The following VAV1 variants were observed in gnomAD, a reference collection of about 807,000 sequenced individuals.
The protein encoded by VAV1 is vav guanine nucleotide exchange factor 1, also known as proto-oncogene vav.
In VAV1, 33 loss-of-function variants were observed where a neutral mutation model predicts 128.1. The observed-to-expected ratio is 0.26, with a 90% CI of 0.20 to 0.34. The LOEUF (loss-of-function observed/expected upper bound fraction) is 0.34. Ranked by LOEUF, VAV1 falls within the 10% of genes least tolerant of loss-of-function variation. VAV1 has a pLI of 1.00. For missense variants in VAV1, 715 were observed against 1,093.7 expected (o/e 0.65, Z 4.88); for synonymous variants, 394 against 409.8 (o/e 0.96, Z 0.47).
chr19:6,838,661 TATC>T (rs1972292253), intron 21 of VAV1, among the ~76,000 whole-genome samples: 1 of 152,138 alleles, frequency 6.6e-6, no homozygotes, highest in African/African-American at 2.4e-5. Context: ...CCTGTCTGTT[TATC>T]ATCTATCATC....
chr19:6,831,377 T>C lies in VAV1; in HGVS notation c.1399-714T>C, dbSNP rs142962365. On this transcript the variant is annotated intron_variant, in intron 14 of 26. Coordinates refer to ENST00000602142, the MANE Select transcript of VAV1 (RefSeq NM_005428.4). Reference sequence around the variant, plus strand: ...ACCAGGCTGGAGTGCAGAGGCATGATCTCGGCTCACTGCAACCTCCGCCTC... The same window carrying C: ...ACCAGGCTGGAGTGCAGAGGCATGACCTCGGCTCACTGCAACCTCCGCCTC... Among the ~76,000 whole-genome samples the C allele has an allele frequency of 8.7e-3, 1,323 of 152,250 alleles. 19 individuals carry two copies. The highest frequency in any genetic ancestry group is 0.03 in the African/African-American group (1,255 of 41,556).
rs549697178 is a variant in VAV1, at chr19:6,829,614, T to C, written c.1266-172T>C. 3.3e-5 allele frequency among the ~76,000 whole-genome samples: 5 copies of C among 151,856 alleles called. No homozygotes were observed. In the East Asian group the frequency reaches 9.7e-4, roughly 29 times the overall value. On this transcript the variant is annotated intron_variant, in intron 13 of 26. Coordinates refer to ENST00000602142, the MANE Select transcript of VAV1 (RefSeq NM_005428.4). ...GGGTGGAGCGAAGACTGACAGGCAG[T>C]AGGGCCAATGCGGATCACGTGGGTG...
At chr19:6,853,124 A>T (rs955784277) in intron 25 of VAV1, 45 bp downstream of exon 25, 2 of 1,574,996 alleles carry the variant, frequency 1.3e-6, no homozygotes, top group Non-Finnish European at 1.7e-6. Flanking sequence ...GCCCCTTCCC[A>T]TTGTGGAGGG....
chr19:6,838,431 CCATCCATCTAT>C (rs1178023684), intron 21 of VAV1, among the ~76,000 whole-genome samples: 133 of 144,248 alleles, frequency 9.2e-4, no homozygotes, highest in African/African-American at 3.4e-3. Context: ...ATCCATCCAT[CCATCCATCTAT>C]CATCTATCTA....
intron 1 of VAV1, among the ~76,000 whole-genome samples, chr19:6,774,847 TG>T (rs1024103648): frequency 6.6e-6 from 1 of 151,838 alleles, no homozygotes; most frequent in Non-Finnish European, 1.5e-5. Flanking sequence ...CTCCACTTCC[TG>T]GGTTCAAGTG....
chr19:6,832,142 C>T lies in VAV1; in HGVS notation c.1450C>T (p.Leu484=). The T allele has an allele frequency of 6.2e-7, 1 of 1,614,146 alleles. No individual in the cohort carries two copies. Among genetic ancestry groups the T allele is most frequent in the Non-Finnish European group, 8.5e-7 (1 of 1,180,014 alleles). The stretch of plus-strand genomic sequence containing the variant: ...GGACCAAGGTGCCCAGGGCTATGAG[C>T]TGTTCTTCAAGACAAGAGAATTGAA... ...IEDQGAQGYE[L]FFKTRELKKK... Residue 484 remains leucine (L), a synonymous_variant, in exon 15 of 27, where the codon CTG becomes TTG. Coordinates refer to ENST00000602142, the MANE Select transcript of VAV1 (RefSeq NM_005428.4).
At chr19:6,791,992 G>GA (rs1971029202) in intron 1 of VAV1, among the ~76,000 whole-genome samples, 1 of 151,768 alleles carries the variant, frequency 6.6e-6, no homozygotes, top group Admixed American at 6.6e-5. Context: ...AATGGCTATG[G>GA]GGATGTGTGT....
intron 1 of VAV1, among the ~76,000 whole-genome samples, chr19:6,780,055 G>A (rs1970733200): frequency 6.8e-6 from 1 of 147,756 alleles, no homozygotes; most frequent in African/African-American, 2.5e-5. Context: ...AGCTTGCAGT[G>A]AGCCGAGATC....
chr19:6,775,392 G>A (rs546626489), intron 1 of VAV1, among the ~76,000 whole-genome samples: 47 of 152,290 alleles, frequency 3.1e-4, no homozygotes, highest in Non-Finnish European at 5.6e-4. Context: ...TGAAGGACGA[G>A]GGTGCATGAT....
intron 21 of VAV1, among the ~76,000 whole-genome samples, chr19:6,838,392 TATCCATCCATCCATCC>T (rs60060059): frequency 5.5e-4 from 81 of 146,252 alleles, no homozygotes; most frequent in African/African-American, 1.5e-3. Flanking sequence ...TCAGTTCTTC[TATCCATCCATCCATCC>T]ATCCATCCAT....
chr19:6,784,124 C>T (rs1454061999), intron 1 of VAV1: 2 of 454,694 alleles, frequency 4.4e-6, no homozygotes, highest in Non-Finnish European at 8.0e-6. Context: ...CATGGTGGTG[C>T]ACGCCTATAG....
rs571126828 is a variant in VAV1 at position 6,823,276 on chromosome 19, C to T, written c.654+762C>T. 3.7e-4 allele frequency among the ~76,000 whole-genome samples: 55 copies of T among 150,616 alleles called. No homozygotes were observed. In the East Asian group the frequency reaches 0.01, roughly 28 times the overall value. On this transcript the variant is annotated intron_variant, in intron 6 of 26. Transcript: ENST00000602142. Reference sequence around the variant, plus strand: ...AAGTAGCTGGGATTACAGGCATGCACCACCATGCTCGACTAATTTTTGTAT... The same window carrying T: ...AAGTAGCTGGGATTACAGGCATGCATCACCATGCTCGACTAATTTTTGTAT...
At position 6,777,230 on chromosome 19, in the gene VAV1, TAACTATCCATCC is replaced by T. The variant is rs1432478213; in HGVS notation, c.204+4221_204+4232del. 1.6e-5 allele frequency among the ~76,000 whole-genome samples: 2 copies of T among 126,776 alleles called. No individual in the cohort carries two copies. Among genetic ancestry groups the T allele is most frequent in the South Asian group, 2.6e-4 (1 of 3,792 alleles). The allele number at this position is 126,776 out of a possible 152,430, so 83.2% of individuals were successfully genotyped here. Reference sequence around the variant, plus strand: ...TCATTCATCCATCCATTTATCTGTTTAACTATCCATCCATCCATCCATCCATCCATCCATCCA... The same window carrying T: ...TCATTCATCCATCCATTTATCTGTTTATCCATCCATCCATCCATCCATCCA... On this transcript the variant is annotated intron_variant, in intron 1 of 26. Coordinates refer to ENST00000602142, the MANE Select transcript of VAV1 (RefSeq NM_005428.4). This position sits in a 1 kb window ranked among gnomAD's most constrained non-coding sequence, Gnocchi z 4.4.
chr19:6,813,040 T>C (rs961446543), intron 1 of VAV1, among the ~76,000 whole-genome samples: 4 of 152,246 alleles, frequency 2.6e-5, no homozygotes, highest in Non-Finnish European at 4.4e-5. Flanking sequence ...TGTTACCTAT[T>C]TATTGCTAAG....
At position 6,843,095 on chromosome 19, in the gene VAV1, G is replaced by T. The variant is rs952736119; in HGVS notation, c.1981-40G>T. ...GCCCTGCCCTCTGCTGTCAAGCTGGGGTCTTTACACTAAGTTGGGGTCTCT... is the reference window on the plus strand; with the variant it reads ...GCCCTGCCCTCTGCTGTCAAGCTGGTGTCTTTACACTAAGTTGGGGTCTCT... On this transcript the variant is annotated intron_variant, in intron 21 of 26. Coordinates refer to ENST00000602142, the MANE Select transcript of VAV1 (RefSeq NM_005428.4). 4 of 1,609,522 alleles carry T rather than the reference G, an allele frequency of 2.5e-6. No individual in the cohort carries two copies. The African/African-American group carries it at 5.3e-5, about 22-fold the overall frequency.
intron 1 of VAV1, among the ~76,000 whole-genome samples, chr19:6,780,061 A>G (rs1285408983): frequency 6.8e-6 from 1 of 147,804 alleles, no homozygotes; most frequent in African/African-American, 2.5e-5. Context: ...CAGTGAGCCG[A>G]GATCAGGCCA....
chr19:6,854,368 G>A (rs1250696784), intron 26 of VAV1, among the ~76,000 whole-genome samples: 3 of 152,124 alleles, frequency 2.0e-5, no homozygotes, highest in Non-Finnish European at 2.9e-5. Flanking sequence ...ACTTATAATC[G>A]AATGTGGAGG....
At chr19:6,776,472 C>CCATCCATT in intron 1 of VAV1, among the ~76,000 whole-genome samples, 1 of 146,816 alleles carries the variant, frequency 6.8e-6, no homozygotes, top group Non-Finnish European at 1.5e-5. Flanking sequence ...ACCCATCCAT[C>CCATCCATT]CATCCATTCA....
chr19:6,803,979 A>T, intron 1 of VAV1, among the ~76,000 whole-genome samples: 1 of 152,130 alleles, frequency 6.6e-6, no homozygotes. Context: ...CAGTCCCAAA[A>T]GGCTACATAC....
Sources: allele counts gnomAD v4.1 joint callset (sites outside exome capture counted in the v4.1 genomes callset), GRCh38; gene constraint gnomAD v4.1.1; non-coding constraint Gnocchi (gnomAD v3.1); transcripts MANE v1.5; gene names NCBI Gene and HGNC (gene_info 2026-07-23, HGNC 2026-07-21).